FSCN1: variants seen among roughly 807,000 people sequenced by gnomAD.
The protein encoded by FSCN1 is fascin.
A neutral mutation model predicts 39.7 loss-of-function variants in FSCN1; 10 were observed. That is an observed-to-expected ratio of 0.25 (90% CI 0.16 to 0.43). FSCN1 has a LOEUF of 0.43. FSCN1 is among the 20% of genes least tolerant of loss of function. The pLI, the probability that FSCN1 is intolerant of heterozygous loss-of-function variation, is 1.00. For synonymous variants in FSCN1, 322 were observed against 320.0 expected, an observed-to-expected ratio of 1.01 and a Z score of -0.07; for missense variants, 525 against 723.8, an observed-to-expected ratio of 0.73 and a Z score of 3.15.
rs1785915971 is a variant in FSCN1 at position 5,605,415 on chromosome 7, G to A, written c.1423G>A (p.Ala475Thr). 7 of 1,612,226 alleles carry A rather than the reference G, an allele frequency of 4.3e-6. No individual in the cohort carries two copies. The highest frequency in any genetic ancestry group is 2.2e-5 in the South Asian group (2 of 90,880). Residue 475 changes from alanine to threonine, a missense_variant, in exon 5 of 5, where the codon GCA becomes ACA. This residue lies in a region of FSCN1 where 275 missense variants were observed against 351.9 expected (regional missense o/e 0.78). Coordinates refer to ENST00000382361, the MANE Select transcript of FSCN1 (RefSeq NM_003088.4). The surrounding 1 kb of genome is among the most constrained non-coding windows in gnomAD (Gnocchi z 6.9). ...CGGGCGCTACCTGAAGGGCGACCAC[G>A]CAGGCGTCCTGAAGGCCTCGGCGGA... ...VGGRYLKGDH[A>T]GVLKASAETV... is the part of the protein sequence containing the mutation.
chr7:5,604,827 G>A (rs972754660), intron 4 of FSCN1, among the ~76,000 whole-genome samples: 5 of 152,038 alleles, frequency 3.3e-5, no homozygotes, highest in African/African-American at 1.2e-4. Flanking sequence ...TCATAGAGAC[G>A]GGTTTCACCA....
chr7:5,603,323 G>T lies in FSCN1; in HGVS notation c.899G>T (p.Arg300Leu). The part of the protein sequence containing the change: ...DQETFQLEID[R>L]DTKKCAFRTH... ...GAGACCTTCCAGCTGGAGATCGACC[G>T]CGACACCAAAAAGTGTGCCTTCCGT... The change falls in exon 2 of 5, where the codon CGC (arginine) becomes CTC (leucine). Residue 300 changes from arginine (R) to leucine (L), a missense_variant. Coordinates refer to ENST00000382361, the MANE Select transcript of FSCN1 (RefSeq NM_003088.4). This position sits in a 1 kb window ranked among gnomAD's most constrained non-coding sequence, Gnocchi z 8.5. 1 of 1,613,444 alleles carries T rather than the reference G, an allele frequency of 6.2e-7. No homozygotes were observed. The highest frequency in any genetic ancestry group is 8.5e-7 in the Non-Finnish European group (1 of 1,180,000).
intron 1 of FSCN1, among the ~76,000 whole-genome samples, chr7:5,600,388 C>T (rs1408656624): frequency 1.3e-5 from 2 of 151,818 alleles, no homozygotes; most frequent in African/African-American, 2.4e-5. Context: ...CACTCCAGCC[C>T]GGGAGACACA....
At position 5,597,515 on chromosome 7, in the gene FSCN1, A is replaced by C. The variant is rs1396473133; in HGVS notation, c.832+3747A>C. ...AACCCCATCTCTACTAAAAACACAA[A>C]AATTAGCCGGGCGTGGTGGCGCATG... On this transcript the variant is annotated intron_variant, in intron 1 of 4. Transcript: ENST00000382361. 3.9e-5 allele frequency among the ~76,000 whole-genome samples: 6 copies of C among 151,994 alleles called. 1 individual carries two copies. The East Asian group carries it at 1.2e-3, about 29-fold the overall frequency.
At chr7:5,602,239 G>C (rs908778474) in intron 1 of FSCN1, among the ~76,000 whole-genome samples, 1 of 149,134 alleles carries the variant, frequency 6.7e-6, no homozygotes, top group Non-Finnish European at 1.5e-5. Flanking sequence ...GTCTTGCTAA[G>C]TTGTCCAGGC....
rs201120266 is a variant in FSCN1, at chr7:5,593,365, C to T, written c.429C>T (p.Asn143=). 6.2e-6 allele frequency: 10 copies of T among 1,612,368 alleles called. No individual in the cohort carries two copies. Among genetic ancestry groups the T allele is most frequent in the Non-Finnish European group, 8.5e-6 (10 of 1,179,852 alleles). The change falls in exon 1 of 5, where the codon AAC becomes AAT. Residue 143 remains asparagine (N), a synonymous_variant. Coordinates refer to ENST00000382361, the MANE Select transcript of FSCN1 (RefSeq NM_003088.4). ...SVHIAMHPQV[N]IYSVTRKRYA... is the part of the protein sequence containing the mutation. ...ACATCGCCATGCACCCTCAGGTCAA[C>T]ATCTACAGCGTCACCCGTAAGCGCT...
rs1226729063 is a variant in FSCN1, at chr7:5,599,870, C to G, written c.833-3387C>G. Among the ~76,000 whole-genome samples the G allele has an allele frequency of 2.1e-4, 32 of 152,234 alleles. No individual in the cohort carries two copies. ...TGGGCTCTACCACCCACCAGCCTCC[C>G]TCTCCTGTGGGTGCTGCCTGCCACC... is the stretch of plus-strand genomic sequence containing the variant. On this transcript the variant is annotated intron_variant, in intron 1 of 4. Coordinates refer to ENST00000382361, the MANE Select transcript of FSCN1 (RefSeq NM_003088.4). The surrounding 1 kb of genome is among the most constrained non-coding windows in gnomAD (Gnocchi z 5.6).
At chr7:5,602,994 G>A (rs1347592394) in intron 1 of FSCN1, 11 of 528,030 alleles carry the variant, frequency 2.1e-5, no homozygotes, top group African/African-American at 1.9e-4. Context: ...ACAGGCATGA[G>A]CCCCTGTCCC....
intron 1 of FSCN1, among the ~76,000 whole-genome samples, chr7:5,600,271 G>T: frequency 6.6e-6 from 1 of 151,842 alleles, no homozygotes; most frequent in East Asian, 2.0e-4. Flanking sequence ...AAAATTAGCC[G>T]GGCATAGTGG....
At position 5,599,990 on chromosome 7, in the gene FSCN1, C is replaced by G. The variant is rs1459694027; in HGVS notation, c.833-3267C>G. 6.6e-6 allele frequency among the ~76,000 whole-genome samples: 1 copy of G among 152,234 alleles called. No individual in the cohort carries two copies. Among genetic ancestry groups the G allele is most frequent in the Non-Finnish European group, 1.5e-5 (1 of 68,048 alleles). ...ATACAGAGCCCGGCAGACGCCTCTG[C>G]TGCTGCAGTTCTTAGAATCCAGAGC... is the stretch of plus-strand genomic sequence containing the variant. On this transcript the variant is annotated intron_variant, in intron 1 of 4. Transcript: ENST00000382361. This position sits in a 1 kb window ranked among gnomAD's most constrained non-coding sequence, Gnocchi z 5.6.
intron 4 of FSCN1, 34 bp downstream of exon 4, chr7:5,604,064 A>G (rs1285690446): frequency 1.0e-5 from 16 of 1,604,134 alleles, no homozygotes; most frequent in Non-Finnish European, 1.3e-5. Context: ...CTGGGCAGGG[A>G]ACCCCTCGGT....
In FSCN1 at chr7:5,603,490, C is replaced by G. The variant is rs1785872220; in HGVS notation, c.990-6C>G. 6.2e-7 allele frequency: 1 copy of G among 1,614,034 alleles called. No individual in the cohort carries two copies. Among genetic ancestry groups the G allele is most frequent in the South Asian group, 1.1e-5 (1 of 91,090 alleles). On this transcript the variant is annotated splice_polypyrimidine_tract_variant and splice_region_variant and intron_variant, in intron 2 of 4. Transcript: ENST00000382361. This position sits in a 1 kb window ranked among gnomAD's most constrained non-coding sequence, Gnocchi z 8.5. ...CCCCGCCTGACCCTGTCCCGCCATC[C>G]CCCAGGAATGCCAGCTGCTACTTTG...
chr7:5,596,052 C>T (rs1164712582), intron 1 of FSCN1, among the ~76,000 whole-genome samples: 1 of 151,342 alleles, frequency 6.6e-6, no homozygotes, highest in African/African-American at 2.4e-5. Flanking sequence ...TACTTGGGGG[C>T]CGAGGTTGGG....
At chr7:5,593,827 C>T in intron 1 of FSCN1, 59 bp downstream of exon 1, 1 of 1,172,656 alleles carries the variant, frequency 8.5e-7, no homozygotes, top group South Asian at 1.5e-5. Flanking sequence ...ACCCCACCCG[C>T]GCCCCTCCAG....
intron 1 of FSCN1, 150 bp downstream of exon 1, chr7:5,593,918 C>T: frequency 1.7e-6 from 1 of 603,468 alleles, no homozygotes; most frequent in South Asian, 2.0e-5. Context: ...GCGGGCTACC[C>T]CGCCTGGAGG....
chr7:5,593,739 C>A lies in FSCN1; in HGVS notation c.803C>A (p.Ala268Asp). The A allele has an allele frequency of 1.3e-6, 2 of 1,589,374 alleles. No homozygotes were observed. Among genetic ancestry groups the A allele is most frequent in the East Asian group, 4.5e-5 (2 of 44,218 alleles). ...QSCAQVVLQA[A>D]NERNVSTRQG... ...TGCGCCCAGGTCGTGCTGCAGGCGG[C>A]CAACGAGAGGAACGTGTCCACGCGC... is the stretch of plus-strand genomic sequence containing the variant. Residue 268 changes from alanine (A) to aspartate (D), a missense_variant, in exon 1 of 5, where the codon GCC becomes GAC. Physicochemically the swap from Ala to Asp is moderately radical, Grantham distance 126 (BLOSUM62 -2). Transcript: ENST00000382361.
At chr7:5,600,685 G>C (rs1237765984) in intron 1 of FSCN1, among the ~76,000 whole-genome samples, 1 of 149,432 alleles carries the variant, frequency 6.7e-6, no homozygotes, top group Non-Finnish European at 1.5e-5. Flanking sequence ...ACAGAGTCTC[G>C]CATTGTCGCC....
In FSCN1 at chr7:5,593,569, C is replaced by G. The variant is rs781223328; in HGVS notation, c.633C>G (p.Gly211=). ...TGGCGCGCCCCGAGCCGGCCACTGG[C>G]TACACGCTGGAGTTCCGCTCCGGCA... ...RLVARPEPAT[G]YTLEFRSGKV... The change falls in exon 1 of 5, where the codon GGC becomes GGG. Residue 211 remains glycine (G), a synonymous_variant. Coordinates refer to ENST00000382361, the MANE Select transcript of FSCN1 (RefSeq NM_003088.4). 2 of 1,578,818 alleles carry G rather than the reference C, an allele frequency of 1.3e-6. No homozygotes were observed. The highest frequency in any genetic ancestry group is 2.7e-5 in the African/African-American group (2 of 73,968).
intron 1 of FSCN1, chr7:5,594,905 A>G (rs1341884947): frequency 2.0e-5 from 3 of 151,928 alleles, no homozygotes; most frequent in South Asian, 2.1e-4. Flanking sequence ...AGGCACGGCT[A>G]TTTGCGACCG....
Sources: gnomAD v4.1 joint callset for allele counts (sites outside exome capture counted in the v4.1 genomes callset) on GRCh38, gnomAD v4.1.1 for gene constraint, gnomAD v4.1.1 regional missense constraint, Gnocchi (gnomAD v3.1) non-coding constraint, MANE v1.5 for transcripts, NCBI Gene and HGNC (gene_info 2026-07-23, HGNC 2026-07-21) for gene names.